Variants in ACAN observed in about 807,000 individuals in gnomAD.
ACAN encodes the protein aggrecan.
Under a neutral mutation model 169.1 loss-of-function variants are expected in ACAN, and 47 were observed. The observed-to-expected ratio is 0.28, with a 90% confidence interval of 0.22 to 0.35. The LOEUF is 0.35. ACAN is among the 10% of genes least tolerant of loss of function. The pLI, the probability that ACAN is intolerant of heterozygous loss-of-function variation, is 1.00. For missense variants in ACAN, 2,716 were observed against 2,759.9 expected (o/e 0.98, Z 0.36); for synonymous variants, 1,115 against 1,112.2 (o/e 1.00, Z -0.05).
At chr15:88,812,146 C>T (rs542144428) in intron 1 of ACAN, among the ~76,000 whole-genome samples, 1 of 152,290 alleles carries the variant, frequency 6.6e-6, no homozygotes, top group South Asian at 2.1e-4. Context: ...CGGCCTCCTG[C>T]AGCCCCATCT....
At position 88,840,179 on chromosome 15, in the gene ACAN, A is replaced by G. The variant is rs1596131932; in HGVS notation, c.622A>G (p.Thr208Ala). 1 of 1,596,750 alleles carries G rather than the reference A, an allele frequency of 6.3e-7. No individual in the cohort carries two copies. The highest frequency in any genetic ancestry group is 8.5e-7 in the Non-Finnish European group (1 of 1,173,492). The change falls in exon 4 of 19, where the codon ACT becomes GCT. Residue 208 changes from threonine (T) to alanine (A), a missense_variant. This residue lies in a region of ACAN where 1,283 missense variants were observed against 1,281.5 expected (regional missense o/e 1.00). Transcript: ENST00000560601. ...TGACGCCGGCTGGCTGGCTGACCAG[A>G]CTGTCAGGTGAGCCCTAGCCCATCA... Reference protein sequence around the residue: ...QCDAGWLADQTVRYPIHTPRE... With the variant: ...QCDAGWLADQAVRYPIHTPRE...
Position 88,857,280 on chromosome 15 carries a change from C to G in ACAN, c.4695C>G (p.Asp1565Glu), listed in dbSNP as rs900122903. 3.1e-6 allele frequency: 5 copies of G among 1,613,166 alleles called. No homozygotes were observed. Among genetic ancestry groups the G allele is most frequent in the Admixed American group, 1.7e-5 (1 of 59,856 alleles). Residue 1565 changes from aspartate to glutamate, a missense_variant, in exon 12 of 19, where the codon GAC becomes GAG. By Grantham distance (45) the Asp-to-Glu change is conservative (BLOSUM62 2). Around this residue, in one of 3 missense-constraint regions of ACAN, gnomAD observed 1,389 missense variants for 1,363.7 expected, o/e 1.02. Transcript: ENST00000560601. ...CCTCTGCTTCTGAAGTAGGGACTGA[C>G]CTCAGTGGGCTTCCTTCTGGAAGGG... ...LETSASEVGT[D>E]LSGLPSGREG...
chr15:88,838,727 C>T lies in ACAN; in HGVS notation c.135C>T (p.Thr45=), dbSNP rs372517447. 2.5e-6 allele frequency: 4 copies of T among 1,611,844 alleles called. No individual in the cohort carries two copies. The highest frequency in any genetic ancestry group is 2.7e-5 in the African/African-American group (2 of 75,028). The change falls in exon 3 of 19, where the codon ACC becomes ACT. Residue 45 remains threonine (T), a synonymous_variant. Transcript: ENST00000560601. This position sits in a 1 kb window ranked among gnomAD's most constrained non-coding sequence, Gnocchi z 5.1. ...CCCCGCTGAGGGTCCTCCTGGGGACCTCCCTCACCATCCCCTGCTATTTCA... is the reference window on the plus strand; with the variant it reads ...CCCCGCTGAGGGTCCTCCTGGGGACTTCCCTCACCATCCCCTGCTATTTCA... ...QPSPLRVLLG[T]SLTIPCYFID...
Position 88,839,686 on chromosome 15 carries a change from C to G in ACAN, c.455-326C>G, listed in dbSNP as rs941243142. On this transcript the variant is annotated intron_variant, in intron 3 of 18. Coordinates refer to ENST00000560601, the MANE Select transcript of ACAN (RefSeq NM_001369268.1). This position sits in a 1 kb window ranked among gnomAD's most constrained non-coding sequence, Gnocchi z 4.5. ...CAGGGCATTCTGAGTGTCTGTTTCT[C>G]TTAATGCAATATGGGGGTCTTGGAG... 6.6e-6 allele frequency among the ~76,000 whole-genome samples: 1 copy of G among 152,180 alleles called. No homozygotes were observed. The highest frequency in any genetic ancestry group is 1.5e-5 in the Non-Finnish European group (1 of 68,030).
intron 1 of ACAN, among the ~76,000 whole-genome samples, chr15:88,812,154 T>C (rs907626609): frequency 6.6e-6 from 1 of 152,006 alleles, no homozygotes; most frequent in East Asian, 1.9e-4. Context: ...TGCAGCCCCA[T>C]CTAGGCCCTC....
chr15:88,824,389 C>T (rs1896157683), intron 1 of ACAN, among the ~76,000 whole-genome samples: 1 of 151,796 alleles, frequency 6.6e-6, no homozygotes, highest in Admixed American at 6.6e-5. Context: ...TACAAAGGGA[C>T]ATTGCCTAGT....
chr15:88,821,272 T>A (rs972908695), intron 1 of ACAN, among the ~76,000 whole-genome samples: 1 of 152,042 alleles, frequency 6.6e-6, no homozygotes, highest in Non-Finnish European at 1.5e-5. Context: ...CCCGAGTAGC[T>A]GGAACCACAG....
chr15:88,835,489 C>T (rs764170227), intron 1 of ACAN, among the ~76,000 whole-genome samples: 1 of 152,000 alleles, frequency 6.6e-6, no homozygotes, highest in East Asian at 1.9e-4. Flanking sequence ...CTGGCAAGTC[C>T]CAAGGTCTGC....
chr15:88,817,390 C>A (rs1016345796), intron 1 of ACAN, among the ~76,000 whole-genome samples: 1 of 152,138 alleles, frequency 6.6e-6, no homozygotes, highest in Admixed American at 6.5e-5. Flanking sequence ...GAGCTACCCA[C>A]CTTGGCCTCC....
rs1897083084 is a variant in ACAN at position 88,857,475 on chromosome 15, T to C, written c.4890T>C (p.Ser1630=). The C allele has an allele frequency of 6.2e-7, 1 of 1,613,770 alleles. No individual in the cohort carries two copies. The highest frequency in any genetic ancestry group is 1.1e-5 in the South Asian group (1 of 91,082). The part of the protein sequence containing the change: ...PETSGLPSGF[S]GEYSGVDLGS... ...CAAGTGGTCTTCCCTCTGGATTTAG[T>C]GGTGAGTATTCTGGGGTGGACCTTG... is the stretch of plus-strand genomic sequence containing the variant. The change falls in exon 12 of 19, where the codon AGT becomes AGC. Residue 1630 remains serine, a synonymous_variant. Coordinates refer to ENST00000560601, the MANE Select transcript of ACAN (RefSeq NM_001369268.1).
chr15:88,864,994 CA>C (rs1567191488), intron 13 of ACAN, among the ~76,000 whole-genome samples: 1 of 152,194 alleles, frequency 6.6e-6, no homozygotes, highest in Non-Finnish European at 1.5e-5. Context: ...GTGACCTAGG[CA>C]AAAGCTGGAC....
At chr15:88,842,010 G>A (rs1896675085) in intron 5 of ACAN, 143 bp downstream of exon 5, 1 of 1,137,820 alleles carries the variant, frequency 8.8e-7, no homozygotes, top group Admixed American at 2.1e-5. Context: ...CATGAAGGGA[G>A]GTGGGCTGAG....
intron 7 of ACAN, among the ~76,000 whole-genome samples, chr15:88,846,971 G>A (rs545328998): frequency 6.6e-6 from 1 of 152,354 alleles, no homozygotes; most frequent in South Asian, 2.1e-4. Context: ...ATAGAGCCCA[G>A]TGCTTCCCAA....
rs1896892502 is a variant in ACAN, at chr15:88,849,818, C to T, written c.2026+87C>T. 6.6e-7 allele frequency: 1 copy of T among 1,513,242 alleles called. No individual in the cohort carries two copies. The highest frequency in any genetic ancestry group is 1.2e-5 in the South Asian group (1 of 84,074). The allele number at this position is 1,513,242 out of a possible 1,614,324, so 93.7% of individuals were successfully genotyped here. A position where few individuals can be genotyped will look rare whatever the true frequency, so the allele number is the denominator to read the frequency against. ...ACCGGATCCTGCCACCACCCAGTATCCCATCCATCAGAGCAAGAAAATGTC... is the reference window on the plus strand; with the variant it reads ...ACCGGATCCTGCCACCACCCAGTATTCCATCCATCAGAGCAAGAAAATGTC... On this transcript the variant is annotated intron_variant, in intron 10 of 18. Transcript: ENST00000560601. The surrounding 1 kb of genome is among the most constrained non-coding windows in gnomAD (Gnocchi z 5.1).
chr15:88,864,240 A>G (rs1897247045), intron 13 of ACAN, among the ~76,000 whole-genome samples: 1 of 152,148 alleles, frequency 6.6e-6, no homozygotes, highest in African/African-American at 2.4e-5. Context: ...AAGATTTGAA[A>G]TAGTACAAAT....
At chr15:88,811,683 G>A (rs1895823863) in intron 1 of ACAN, among the ~76,000 whole-genome samples, 1 of 152,156 alleles carries the variant, frequency 6.6e-6, no homozygotes, top group Admixed American at 6.5e-5. Context: ...CCCTATGTGA[G>A]CTGAGGGCCT....
At chr15:88,805,200 C>A (rs1567160081) in intron 1 of ACAN, among the ~76,000 whole-genome samples, 1 of 152,096 alleles carries the variant, frequency 6.6e-6, no homozygotes, top group African/African-American at 2.4e-5. Context: ...TGCTCATGCA[C>A]CCTGGGCAAG....
At chr15:88,850,043 A>G (rs1896897611) in intron 10 of ACAN, 2 of 597,066 alleles carry the variant, frequency 3.3e-6, no homozygotes, top group African/African-American at 3.7e-5. Context: ...AAATGGAGAT[A>G]TAATGGTTCC....
intron 1 of ACAN, among the ~76,000 whole-genome samples, chr15:88,819,352 G>T (rs1896018220): frequency 1.3e-5 from 2 of 152,176 alleles, no homozygotes; most frequent in African/African-American, 4.8e-5. Context: ...TTATTCTGCA[G>T]CCCTGAGGTA....
Sources: allele counts gnomAD v4.1 joint callset (sites outside exome capture counted in the v4.1 genomes callset), GRCh38; gene constraint gnomAD v4.1.1; regional missense constraint gnomAD v4.1.1; non-coding constraint Gnocchi (gnomAD v3.1); transcripts MANE v1.5; gene names NCBI Gene and HGNC (gene_info 2026-07-23, HGNC 2026-07-21).